The following ARHGEF2 variants were observed in gnomAD, a reference collection of about 807,000 sequenced individuals.
The protein encoded by ARHGEF2 is Rho/Rac guanine nucleotide exchange factor 2, also known as rho guanine nucleotide exchange factor 2.
In ARHGEF2, 22 loss-of-function variants were observed where a neutral mutation model predicts 121.0. The observed-to-expected ratio is 0.18, with a 90% CI of 0.13 to 0.26. The LOEUF (loss-of-function observed/expected upper bound fraction) is 0.26, where lower values mean the gene tolerates loss of function less well. Ranked by LOEUF, ARHGEF2 falls within the 10% of genes least tolerant of loss-of-function variation. ARHGEF2 has a pLI of 1.00. For synonymous variants in ARHGEF2, 487 were observed against 530.0 expected (o/e 0.92, Z 1.11); for missense variants, 907 against 1,336.0 (o/e 0.68, Z 5.01).
At position 155,951,321 on chromosome 1, in the gene ARHGEF2, T is replaced by C. The variant is rs1295985711; in HGVS notation, c.2260-49A>G. 6.4e-7 allele frequency: 1 copy of C among 1,567,712 alleles called. No homozygotes were observed. Among genetic ancestry groups the C allele is most frequent in the African/African-American group, 1.4e-5 (1 of 73,880 alleles). ...GGGTTTATCAGAACCCCTGTGCTCT[T>C]CTACCCCTCGCCTTCACCCTCCAAG... is the stretch of plus-strand genomic sequence containing the variant. On this transcript the variant is annotated intron_variant, in intron 19 of 21. Coordinates refer to ENST00000361247, the MANE Select transcript of ARHGEF2 (RefSeq NM_001162383.2). The surrounding 1 kb of genome is among the most constrained non-coding windows in gnomAD (Gnocchi z 5.1).
intron 3 of ARHGEF2, 149 bp from the exon 4 acceptor site, chr1:155,966,628 C>T (rs1679432682): frequency 1.9e-6 from 2 of 1,066,292 alleles, no homozygotes; most frequent in Non-Finnish European, 1.4e-6. Context: ...GAGCCCAGTG[C>T]TGTGGGGACA....
intron 13 of ARHGEF2, 103 bp downstream of exon 13, chr1:155,957,610 C>A (rs948927031): frequency 5.0e-5 from 68 of 1,357,598 alleles, no homozygotes; most frequent in Non-Finnish European, 9.9e-6. Flanking sequence ...CTTCCCCCAC[C>A]TCTGAATGCT....
Position 155,951,899 on chromosome 1 carries a change from A to G in ARHGEF2, c.2172+20T>C. Reference sequence around the variant, plus strand: ...CTCTCCCACCCTCTTGCCAAGTCCCAGAACCTCTTGAGGACCTACCCTCTG... The same window carrying G: ...CTCTCCCACCCTCTTGCCAAGTCCCGGAACCTCTTGAGGACCTACCCTCTG... On this transcript the variant is annotated intron_variant, in intron 17 of 21. Coordinates refer to ENST00000361247, the MANE Select transcript of ARHGEF2 (RefSeq NM_001162383.2). This position sits in a 1 kb window ranked among gnomAD's most constrained non-coding sequence, Gnocchi z 5.1. The G allele has an allele frequency of 6.2e-7, 1 of 1,613,894 alleles. No individual in the cohort carries two copies. Among genetic ancestry groups the G allele is most frequent in the Non-Finnish European group, 8.5e-7 (1 of 1,179,998 alleles).
rs1163881561 is a variant in ARHGEF2 at position 155,978,023 on chromosome 1, C to G, written c.63+342G>C. On this transcript the variant is annotated intron_variant, in intron 1 of 21. Coordinates refer to ENST00000361247, the MANE Select transcript of ARHGEF2 (RefSeq NM_001162383.2). The surrounding 1 kb of genome is among the most constrained non-coding windows in gnomAD (Gnocchi z 4.1). The stretch of plus-strand genomic sequence containing the variant: ...GAGGTGCCGGAGCTTCCACCGCCCC[C>G]ACCCGCGAGACACACACCTCCCTCT... The G allele has an allele frequency of 9.8e-7, 1 of 1,024,100 alleles. No homozygotes were observed. Among genetic ancestry groups the G allele is most frequent in the Admixed American group, 5.4e-5 (1 of 18,372 alleles). The allele number at this position is 1,024,100 out of a possible 1,614,324, so 63.4% of individuals were successfully genotyped here.
Position 155,961,785 on chromosome 1 carries a change from G to A in ARHGEF2, c.1344C>T (p.Arg448=). 1 of 1,614,206 alleles carries A rather than the reference G, an allele frequency of 6.2e-7. No individual in the cohort carries two copies. The highest frequency in any genetic ancestry group is 8.5e-7 in the Non-Finnish European group (1 of 1,180,032). Residue 448 remains arginine (R), a synonymous_variant, in exon 11 of 22, where the codon CGC becomes CGT. Transcript: ENST00000361247. The surrounding 1 kb of genome is among the most constrained non-coding windows in gnomAD (Gnocchi z 4.7). ...KGARLQEIYN[R]MDPRAQTPVP... ...CTGGGGTTTGGGCCCGAGGGTCCAT[G>A]CGGTTGTAGATCTCCTGCAGACGGG...
chr1:155,970,428 T>A, intron 1 of ARHGEF2: 2 of 985,452 alleles, frequency 2.0e-6, no homozygotes, highest in Non-Finnish European at 2.4e-6. Context: ...AGGACCTTCC[T>A]TAGTTGTGAC....
In ARHGEF2 at chr1:155,977,432, C is replaced by T. The variant is rs1312913900; in HGVS notation, c.63+933G>A. ...GGCCAAGAGGTCATGATGGGGGAGG[C>T]GTGTGGATAATTATACACCCAGACT... On this transcript the variant is annotated intron_variant, in intron 1 of 21. Transcript: ENST00000361247. Among the ~76,000 whole-genome samples, 5 of 151,924 alleles carry T rather than the reference C, an allele frequency of 3.3e-5. No individual in the cohort carries two copies. The East Asian group carries it at 7.8e-4, about 24-fold the overall frequency.
At chr1:155,954,317 T>C (rs1210819004) in intron 14 of ARHGEF2, among the ~76,000 whole-genome samples, 2 of 121,446 alleles carry the variant, frequency 1.6e-5, no homozygotes, top group Non-Finnish European at 3.4e-5. Flanking sequence ...GGAGTCTCCC[T>C]CTGTTGCCCA....
chr1:155,978,474 C>T lies in ARHGEF2; in HGVS notation c.-47G>A, dbSNP rs754118746. On this transcript the variant is annotated 5_prime_UTR_variant, in exon 1 of 22. Transcript: ENST00000361247. This position sits in a 1 kb window ranked among gnomAD's most constrained non-coding sequence, Gnocchi z 4.1. ...AGGACGCGGCGCGGACCCCGGCGTC[C>T]TGTATTGTTGGGGGAAGGCGGGGGG... 3 of 1,420,690 alleles carry T rather than the reference C, an allele frequency of 2.1e-6. No homozygotes were observed. Among genetic ancestry groups the T allele is most frequent in the Non-Finnish European group, 2.8e-6 (3 of 1,068,916 alleles). The allele number at this position is 1,420,690 out of a possible 1,614,324, so 88.0% of individuals were successfully genotyped here.
rs781752574 is a variant in ARHGEF2, at chr1:155,947,569, A to C, written c.*373T>G. ...CCCAGCAGCTGCGTGGATGAGCCTG[A>C]ATATACCCCAGTAGTGTTCAAGGAC... On this transcript the variant is annotated 3_prime_UTR_variant, in exon 22 of 22. Transcript: ENST00000361247. The C allele has an allele frequency of 1.1e-4, 44 of 394,450 alleles. 1 individual carries two copies. Among genetic ancestry groups the C allele is most frequent in the Non-Finnish European group, 1.8e-4 (36 of 200,500 alleles). The allele number at this position is 394,450 out of a possible 1,614,324, so 24.4% of individuals were successfully genotyped here.
Position 155,962,273 on chromosome 1 carries a change from G to T in ARHGEF2, c.1102-51C>A, listed in dbSNP as rs769763715. Reference sequence around the variant, plus strand: ...GGCCAGAGGGGAGGGCAACAGAAAGGCCTGGGGCCTGAGCTCTGGTGCTGG... The same window carrying T: ...GGCCAGAGGGGAGGGCAACAGAAAGTCCTGGGGCCTGAGCTCTGGTGCTGG... On this transcript the variant is annotated intron_variant, in intron 9 of 21. Coordinates refer to ENST00000361247, the MANE Select transcript of ARHGEF2 (RefSeq NM_001162383.2). This position sits in a 1 kb window ranked among gnomAD's most constrained non-coding sequence, Gnocchi z 5.8. 13 of 1,561,802 alleles carry T rather than the reference G, an allele frequency of 8.3e-6. No homozygotes were observed. In the East Asian group the frequency reaches 2.5e-4, roughly 30 times the overall value.
chr1:155,962,732 G>A lies in ARHGEF2; in HGVS notation c.976-14C>T, dbSNP rs767096073. 15 of 1,613,918 alleles carry A rather than the reference G, an allele frequency of 9.3e-6. No homozygotes were observed. Among genetic ancestry groups the A allele is most frequent in the Middle Eastern group, 1.6e-4 (1 of 6,084 alleles). ...AGGACCTGAGAACTAGAAGTTGGTC[G>A]AGTAAGGTTAGGTCAGCATTCCCCC... On this transcript the variant is annotated splice_polypyrimidine_tract_variant and intron_variant, in intron 8 of 21. Transcript: ENST00000361247. The surrounding 1 kb of genome is among the most constrained non-coding windows in gnomAD (Gnocchi z 5.8).
Position 155,978,057 on chromosome 1 carries a change from C to G in ARHGEF2, c.63+308G>C, listed in dbSNP as rs907610846. 5.4e-4 allele frequency: 603 copies of G among 1,126,926 alleles called. No homozygotes were observed. The highest frequency in any genetic ancestry group is 6.4e-4 in the Non-Finnish European group (592 of 919,248). 69.8% of individuals were successfully genotyped at this position (1,126,926 alleles called of 1,614,324 possible). A position where few individuals can be genotyped will look rare whatever the true frequency, so the allele number is the denominator to read the frequency against. ...GACACACACCTCCCTCTTCCCGCTC[C>G]GTCCCTTACCGGAGCAACTTTCTTT... On this transcript the variant is annotated intron_variant, in intron 1 of 21. Coordinates refer to ENST00000361247, the MANE Select transcript of ARHGEF2 (RefSeq NM_001162383.2). The surrounding 1 kb of genome is among the most constrained non-coding windows in gnomAD (Gnocchi z 4.1).
Position 155,962,656 on chromosome 1 carries a change from G to C in ARHGEF2, c.1038C>G (p.Ser346Arg). 6.2e-7 allele frequency: 1 copy of C among 1,614,138 alleles called. No homozygotes were observed. Among genetic ancestry groups the C allele is most frequent in the African/African-American group, 1.3e-5 (1 of 75,038 alleles). The change falls in exon 9 of 22, where the codon AGC (serine) becomes AGG (arginine). Residue 346 changes from serine (S) to arginine (R), a missense_variant. Physicochemically the swap from Ser to Arg is moderately radical, Grantham distance 110. Coordinates refer to ENST00000361247, the MANE Select transcript of ARHGEF2 (RefSeq NM_001162383.2). The surrounding 1 kb of genome is among the most constrained non-coding windows in gnomAD (Gnocchi z 5.8). Reference protein sequence around the residue: ...KTYSEFCSRHSKALKLYKELY... With the variant: ...KTYSEFCSRHRKALKLYKELY... ...GCTCCTTATAGAGCTTTAAGGCCTT[G>C]CTGTGGCGGCTGCAGAACTCCGAGT... is the stretch of plus-strand genomic sequence containing the variant.
chr1:155,965,043 G>C lies in ARHGEF2; in HGVS notation c.669C>G (p.Ser223Arg), dbSNP rs762784402. 1 of 1,614,182 alleles carries C rather than the reference G, an allele frequency of 6.2e-7. No individual in the cohort carries two copies. The highest frequency in any genetic ancestry group is 8.5e-7 in the Non-Finnish European group (1 of 1,180,032). ...AADSWSLAVD[S>R]SFLQQHKKEV... is the part of the protein sequence containing the mutation. ...CCTTTTTATGCTGCTGCAGGAAGCT[G>C]CTGTCCACAGCAAGACTCCAAGAGT... Residue 223 changes from serine to arginine, a missense_variant, in exon 7 of 22, where the codon AGC (serine) becomes AGG (arginine). Ser to Arg is a moderately radical substitution (Grantham distance 110). Transcript: ENST00000361247. The surrounding 1 kb of genome is among the most constrained non-coding windows in gnomAD (Gnocchi z 6.0).
chr1:155,954,953 C>A lies in ARHGEF2; in HGVS notation c.1732G>T (p.Asp578Tyr), dbSNP rs373036778. 8 of 1,611,340 alleles carry A rather than the reference C, an allele frequency of 5.0e-6. No homozygotes were observed. Among genetic ancestry groups the A allele is most frequent in the Non-Finnish European group, 5.9e-6 (7 of 1,178,868 alleles). Reference protein sequence around the residue: ...QSVRTCPSREDFPLIETEDEA... With the variant: ...QSVRTCPSREYFPLIETEDEA... ...TCCTCTGTCTCAATCAGGGGGAAGT[C>A]CTCCCTGGATGGGCATCTGGAGGGG... is the stretch of plus-strand genomic sequence containing the variant. Residue 578 changes from aspartate to tyrosine, a missense_variant, in exon 14 of 22, where the codon GAC (aspartate) becomes TAC (tyrosine). By Grantham distance (160) the Asp-to-Tyr change is radical. This residue lies in a region of ARHGEF2 where 432 missense variants were observed against 559.5 expected (regional missense o/e 0.77). Transcript: ENST00000361247.
chr1:155,950,377 G>A lies in ARHGEF2; in HGVS notation c.2809C>T (p.Leu937=). 6.2e-7 allele frequency: 1 copy of A among 1,614,010 alleles called. No homozygotes were observed. Residue 937 remains leucine, a synonymous_variant, in exon 21 of 22, where the codon CTG becomes TTG. Coordinates refer to ENST00000361247, the MANE Select transcript of ARHGEF2 (RefSeq NM_001162383.2). This position sits in a 1 kb window ranked among gnomAD's most constrained non-coding sequence, Gnocchi z 5.2. ...GTGTCAGGGTCACTGCTGTCTTGCA[G>A]CCGCTCTTCGGGGCTCCCCAGTTCC... ...RQELGSPEER[L]QDSSDPDTGS...
intron 1 of ARHGEF2, among the ~76,000 whole-genome samples, chr1:155,973,163 G>C (rs1359985950): frequency 6.6e-6 from 1 of 152,122 alleles, no homozygotes; most frequent in African/African-American, 2.4e-5. Flanking sequence ...GTCTCAAAAT[G>C]AAAGAAAAGG....
Position 155,969,805 on chromosome 1 carries a change from T to TG in ARHGEF2, c.64-506dup, listed in dbSNP as rs1054568546. The TG allele has an allele frequency of 6.9e-4, 677 of 983,992 alleles. 1 individual carries two copies. The highest frequency in any genetic ancestry group is 5.1e-3 in the African/African-American group (289 of 57,120). The allele number at this position is 983,992 out of a possible 1,614,324, so 61.0% of individuals were successfully genotyped here. ...TCTGCTGTCTCTGTGGCAGTCACAG[T>TG]GGGGGGGGCAGGAGATCCCCTTATT... On this transcript the variant is annotated intron_variant, in intron 1 of 21. Transcript: ENST00000361247.
Sources: allele counts gnomAD v4.1 joint callset (sites outside exome capture counted in the v4.1 genomes callset), GRCh38; gene constraint gnomAD v4.1.1; regional missense constraint gnomAD v4.1.1; non-coding constraint Gnocchi (gnomAD v3.1); transcripts MANE v1.5; gene names NCBI Gene and HGNC (gene_info 2026-07-23, HGNC 2026-07-21).